The following BCAS3 variants were observed in gnomAD, a reference collection of about 807,000 sequenced individuals.
BCAS3 encodes BCAS4/BCAS3 fusion.
A neutral mutation model predicts 116.1 loss-of-function variants in BCAS3; 53 were observed. The ratio of observed to expected loss-of-function variants is 0.46; its 90% CI spans 0.37 to 0.57. The LOEUF is 0.57. BCAS3 is among the 20% of genes least tolerant of loss of function. The pLI is 0.00. For synonymous variants in BCAS3, 391 were observed against 408.2 expected, an observed-to-expected ratio of 0.96 and a Z score of 0.51; for missense variants, 917 against 1,165.4, an observed-to-expected ratio of 0.79 and a Z score of 3.10.
rs1488919026 is a variant in BCAS3 at position 61,204,549 on chromosome 17, A to G, written c.2425+119985A>G. Among the ~76,000 whole-genome samples the G allele has an allele frequency of 6.6e-6, 1 of 152,194 alleles. No individual in the cohort carries two copies. Among genetic ancestry groups the G allele is most frequent in the Non-Finnish European group, 1.5e-5 (1 of 68,034 alleles). On this transcript the variant is annotated intron_variant, in intron 22 of 23. Transcript: ENST00000407086. This position sits in a 1 kb window ranked among gnomAD's most constrained non-coding sequence, Gnocchi z 4.2. ...AAATAACAAAATGTGTTGTTGCTTCATCATTGTAACTTTCTTAAAAACAGA... is the reference window on the plus strand; with the variant it reads ...AAATAACAAAATGTGTTGTTGCTTCGTCATTGTAACTTTCTTAAAAACAGA...
At chr17:61,066,398 T>C (rs2070618206) in intron 19 of BCAS3, among the ~76,000 whole-genome samples, 1 of 152,206 alleles carries the variant, frequency 6.6e-6, no homozygotes, top group Non-Finnish European at 1.5e-5. Context: ...ACAAGCTGTG[T>C]GTAGTCTTTT....
At chr17:61,360,791 G>A (rs765322590) in intron 22 of BCAS3, among the ~76,000 whole-genome samples, 38 of 152,220 alleles carry the variant, frequency 2.5e-4, no homozygotes, top group Non-Finnish European at 2.5e-4. Flanking sequence ...TTTGGGTGGC[G>A]TGGTGGGGTG....
At chr17:60,722,023 A>G (rs1464163361) in intron 5 of BCAS3, among the ~76,000 whole-genome samples, 1 of 152,102 alleles carries the variant, frequency 6.6e-6, no homozygotes, top group Non-Finnish European at 1.5e-5. Context: ...ATTTGTTTTT[A>G]TGCTATTGTG....
At chr17:60,719,323 C>T (rs1203278093) in intron 5 of BCAS3, among the ~76,000 whole-genome samples, 1 of 152,098 alleles carries the variant, frequency 6.6e-6, no homozygotes, top group Non-Finnish European at 1.5e-5. Context: ...CTATAGTATT[C>T]GCCAGTGCAC....
intron 22 of BCAS3, among the ~76,000 whole-genome samples, chr17:61,176,060 G>A (rs1469597889): frequency 6.8e-6 from 1 of 146,506 alleles, no homozygotes; most frequent in Non-Finnish European, 1.5e-5. Context: ...GATTGCTTAA[G>A]CCTAGGAGGG....
intron 7 of BCAS3, among the ~76,000 whole-genome samples, chr17:60,855,267 GT>G (rs777773229): frequency 9.7e-4 from 136 of 140,610 alleles, no homozygotes; most frequent in Non-Finnish European, 9.0e-4. Flanking sequence ...TTTTGTTGTT[GT>G]TTTTTTTTTT....
Position 60,689,776 on chromosome 17 carries a change from T to A in BCAS3, c.214+15T>A. On this transcript the variant is annotated intron_variant, in intron 4 of 23. Coordinates refer to ENST00000407086, the MANE Select transcript of BCAS3 (RefSeq NM_017679.5). ...AGATTTAAATGGTATGGTTTTAACTTTTTTTGGGACGTGTGAATTAATTGT... is the reference window on the plus strand; with the variant it reads ...AGATTTAAATGGTATGGTTTTAACTATTTTTGGGACGTGTGAATTAATTGT... 1 of 1,550,324 alleles carries A rather than the reference T, an allele frequency of 6.5e-7. No individual in the cohort carries two copies. The highest frequency in any genetic ancestry group is 8.9e-7 in the Non-Finnish European group (1 of 1,124,452).
chr17:60,762,929 G>A (rs1195930248), intron 6 of BCAS3, among the ~76,000 whole-genome samples: 2 of 151,668 alleles, frequency 1.3e-5, no homozygotes, highest in Non-Finnish European at 2.9e-5. Flanking sequence ...CTTGTTAGTT[G>A]GATTCCTAGG....
Position 61,217,599 on chromosome 17 carries a change from G to A in BCAS3, c.2425+133035G>A, listed in dbSNP as rs2081874685. Among the ~76,000 whole-genome samples the A allele has an allele frequency of 6.6e-6, 1 of 152,086 alleles. No individual in the cohort carries two copies. The highest frequency in any genetic ancestry group is 1.5e-5 in the Non-Finnish European group (1 of 68,028). On this transcript the variant is annotated intron_variant, in intron 22 of 23. Coordinates refer to ENST00000407086, the MANE Select transcript of BCAS3 (RefSeq NM_017679.5). This position sits in a 1 kb window ranked among gnomAD's most constrained non-coding sequence, Gnocchi z 5.2. The stretch of plus-strand genomic sequence containing the variant: ...TTATTTGGAGCTATTAAAGGAGTGG[G>A]CAAATAAATGAAGGGCATATTCCCA...
chr17:60,687,436 T>A (rs2034218613), intron 3 of BCAS3, among the ~76,000 whole-genome samples: 1 of 152,032 alleles, frequency 6.6e-6, no homozygotes, highest in Non-Finnish European at 1.5e-5. Context: ...AAACCCCATC[T>A]CTACAGAAAA....
At chr17:60,710,238 G>A (rs977250033) in intron 5 of BCAS3, among the ~76,000 whole-genome samples, 7 of 152,112 alleles carry the variant, frequency 4.6e-5, no homozygotes, top group Non-Finnish European at 4.4e-5. Context: ...ATGAGTATGT[G>A]TGTATGTGTG....
chr17:61,171,120 C>T lies in BCAS3; in HGVS notation c.2425+86556C>T, dbSNP rs547881012. Among the ~76,000 whole-genome samples, 212 of 152,220 alleles carry T rather than the reference C, an allele frequency of 1.4e-3. No homozygotes were observed. The highest frequency in any genetic ancestry group is 2.1e-3 in the Non-Finnish European group (140 of 68,024). On this transcript the variant is annotated intron_variant, in intron 22 of 23. Transcript: ENST00000407086. The surrounding 1 kb of genome is among the most constrained non-coding windows in gnomAD (Gnocchi z 4.1). ...CTTGCTTAAAAAAAAGCAAGACCCA[C>T]GGCACCTCCTAATTAAGTCGCTTAT...
chr17:61,284,097 T>G (rs545622090), intron 22 of BCAS3, among the ~76,000 whole-genome samples: 1 of 152,274 alleles, frequency 6.6e-6, no homozygotes, highest in African/African-American at 2.4e-5. Context: ...CAGCGTTCTG[T>G]GTCTAGCTAA....
chr17:60,861,200 C>T (rs1599239191), intron 7 of BCAS3, among the ~76,000 whole-genome samples: 1 of 152,180 alleles, frequency 6.6e-6, no homozygotes, highest in East Asian at 1.9e-4. Context: ...TTTTAGAGGT[C>T]TTTTACCTTT....
At chr17:60,941,580 AAAGT>A (rs1258331825) in intron 13 of BCAS3, among the ~76,000 whole-genome samples, 7 of 152,144 alleles carry the variant, frequency 4.6e-5, no homozygotes, top group African/African-American at 1.7e-4. Flanking sequence ...TTTTGTGAAA[AAAGT>A]AAACTTACTG....
chr17:60,751,456 T>C (rs1392876814), intron 6 of BCAS3, among the ~76,000 whole-genome samples: 2 of 152,210 alleles, frequency 1.3e-5, no homozygotes, highest in African/African-American at 4.8e-5. Context: ...ATAAAATGTA[T>C]CAGTATGTAT....
chr17:61,150,827 G>A (rs1221490187), intron 22 of BCAS3, among the ~76,000 whole-genome samples: 1 of 152,164 alleles, frequency 6.6e-6, no homozygotes, highest in Admixed American at 6.5e-5. Context: ...CTTGACCTTA[G>A]CATTACTAAT....
intron 2 of BCAS3, among the ~76,000 whole-genome samples, chr17:60,683,589 T>C (rs2033568055): frequency 7.4e-6 from 1 of 135,086 alleles, no homozygotes; most frequent in South Asian, 2.5e-4. Context: ...CCCAGTACTT[T>C]GGAAGACTGA....
chr17:61,386,827 G>A (rs1406882577), intron 23 of BCAS3, among the ~76,000 whole-genome samples: 1 of 145,266 alleles, frequency 6.9e-6, no homozygotes, highest in Admixed American at 7.1e-5. Flanking sequence ...ATGCCAGGCT[G>A]GAGTGTAGTG....
Sources: gnomAD v4.1 joint callset for allele counts (sites outside exome capture counted in the v4.1 genomes callset) on GRCh38, gnomAD v4.1.1 for gene constraint, Gnocchi (gnomAD v3.1) non-coding constraint, MANE v1.5 for transcripts, NCBI Gene and HGNC (gene_info 2026-07-23, HGNC 2026-07-21) for gene names.